The following DDAH1 variants were observed in gnomAD, a reference collection of about 807,000 sequenced individuals.
DDAH1 encodes the protein dimethylarginine dimethylaminohydrolase 1.
In DDAH1, 19 loss-of-function variants were observed where a neutral mutation model predicts 28.8. The observed-to-expected ratio is 0.66, with a 90% CI of 0.46 to 0.97. The LOEUF (loss-of-function observed/expected upper bound fraction) is 0.97, where lower values mean the gene tolerates loss of function less well. Ranked by LOEUF, DDAH1 falls within the 50% of genes least tolerant of loss-of-function variation. The pLI is 0.00. For synonymous variants in DDAH1, 153 were observed against 154.4 expected (o/e 0.99, Z 0.07); for missense variants, 326 against 375.9 (o/e 0.87, Z 1.10).
chr1:85,357,300 A>T (rs233090), intron 2 of DDAH1, among the ~76,000 whole-genome samples: 8,862 of 152,224 alleles, frequency 0.058, 886 homozygotes, highest in African/African-American at 0.2. Flanking sequence ...CCACTGCATG[A>T]GACAGTGGCA....
chr1:85,429,934 A>T (rs1305018036), intron 1 of DDAH1, among the ~76,000 whole-genome samples: 1 of 151,992 alleles, frequency 6.6e-6, no homozygotes, highest in Admixed American at 6.6e-5. Flanking sequence ...GACTGCAAAA[A>T]TTTTCTCCCA....
chr1:85,387,497 T>A (rs1651337497), intron 1 of DDAH1, among the ~76,000 whole-genome samples: 1 of 152,188 alleles, frequency 6.6e-6, no homozygotes, highest in African/African-American at 2.4e-5. Flanking sequence ...ATAACAAAAG[T>A]GATCTTTGCT....
At chr1:85,473,516 T>C (rs982996231) in intron 2 of DDAH1, among the ~76,000 whole-genome samples, 7 of 151,844 alleles carry the variant, frequency 4.6e-5, no homozygotes, top group Non-Finnish European at 1.0e-4. Context: ...CGCACAGGGC[T>C]CTGATAACCC....
intron 4 of DDAH1, among the ~76,000 whole-genome samples, chr1:85,349,368 T>C (rs1166778119): frequency 6.6e-6 from 1 of 152,172 alleles, no homozygotes; most frequent in Non-Finnish European, 1.5e-5. Flanking sequence ...AAACGATTGC[T>C]TCCCAGCCAA....
At chr1:85,383,139 G>C in intron 1 of DDAH1, among the ~76,000 whole-genome samples, 1 of 152,162 alleles carries the variant, frequency 6.6e-6, no homozygotes, top group Non-Finnish European at 1.5e-5. Context: ...TGATTCCTCT[G>C]ATGAATCTGG....
At chr1:85,496,550 T>C (rs566498685) in intron 1 of DDAH1, among the ~76,000 whole-genome samples, 2 of 152,320 alleles carry the variant, frequency 1.3e-5, no homozygotes, top group East Asian at 3.9e-4. Context: ...AGTCGGTATT[T>C]TCCTTGAAAG....
chr1:85,402,065 A>G (rs955257531), intron 1 of DDAH1, among the ~76,000 whole-genome samples: 3 of 151,938 alleles, frequency 2.0e-5, no homozygotes, highest in Admixed American at 6.6e-5. Context: ...AGCTCACTAC[A>G]GCCTCAAACT....
chr1:85,321,349 G>A lies in DDAH1; in HGVS notation c.*103C>T, dbSNP rs1661332322. On this transcript the variant is annotated 3_prime_UTR_variant, in exon 6 of 6. Coordinates refer to ENST00000284031, the MANE Select transcript of DDAH1 (RefSeq NM_012137.4). ...CAAATTTTGTAAACAAGAGTTAGTA[G>A]CACAGTGGCACAGTAGATTGTCAAG... 6.7e-6 allele frequency: 5 copies of A among 750,552 alleles called. No homozygotes were observed. The highest frequency in any genetic ancestry group is 1.2e-5 in the Non-Finnish European group (5 of 429,532). The allele number at this position is 750,552 out of a possible 1,614,324, so 46.5% of individuals were successfully genotyped here.
At position 85,470,993 on chromosome 1, in the gene DDAH1, C is replaced by T. The variant is rs757169895; in HGVS notation, c.-7+25173G>A. On this transcript the variant is annotated intron_variant, in intron 2 of 6. Transcript: ENST00000426972. ...GTATCACCTTAGTGTACCCAAGACC[C>T]GTGTTTCACCATTTTCTGTCTTGCT... 1.2e-4 allele frequency among the ~76,000 whole-genome samples: 18 copies of T among 152,294 alleles called. 1 individual carries two copies. Among genetic ancestry groups the T allele is most frequent in the Admixed American group, 4.6e-4 (7 of 15,304 alleles).
rs189798371 is a variant in DDAH1 at position 85,324,828 on chromosome 1, A to G, written c.653T>C (p.Ile218Thr). 76 of 1,614,120 alleles carry G rather than the reference A, an allele frequency of 4.7e-5. No individual in the cohort carries two copies. In the Admixed American group the frequency reaches 8.3e-4, roughly 18 times the overall value. The change falls in exon 5 of 6, where the codon ATA becomes ACA. Residue 218 changes from isoleucine to threonine, a missense_variant. Transcript: ENST00000284031. ...ATTTAGATATATACAGTTTGCTGCTATGTCATCAGGCACAGTGAGTTTGTC... is the reference window on the plus strand; with the variant it reads ...ATTTAGATATATACAGTTTGCTGCTGTGTCATCAGGCACAGTGAGTTTGTC... Reference protein sequence around the residue: ...RYDKLTVPDDIAANCIYLNIP... With the variant: ...RYDKLTVPDDTAANCIYLNIP...
At chr1:85,532,865 G>C (rs1315728063) in intron 1 of DDAH1, among the ~76,000 whole-genome samples, 1 of 152,206 alleles carries the variant, frequency 6.6e-6, no homozygotes, top group Non-Finnish European at 1.5e-5. Flanking sequence ...TTCAAAATCT[G>C]TCAACTGGAA....
intron 1 of DDAH1, among the ~76,000 whole-genome samples, chr1:85,445,426 A>C (rs1214511007): frequency 6.6e-6 from 1 of 152,220 alleles, no homozygotes; most frequent in Non-Finnish European, 1.5e-5. Context: ...CAGTGCCTTA[A>C]GATCAAATAT....
intron 1 of DDAH1, among the ~76,000 whole-genome samples, chr1:85,561,774 T>C (rs1441965745): frequency 1.3e-5 from 2 of 152,172 alleles, no homozygotes; most frequent in East Asian, 1.9e-4. Flanking sequence ...AATGAATCCA[T>C]GGGCATTACT....
intron 4 of DDAH1, among the ~76,000 whole-genome samples, chr1:85,330,282 G>A (rs11161599): frequency 0.15 from 23,099 of 152,254 alleles, 2,147 homozygotes; most frequent in Middle Eastern, 0.21. Flanking sequence ...CCTGAGGACT[G>A]AGCAACAGTG....
chr1:85,474,355 C>T (rs1018724245), intron 2 of DDAH1, among the ~76,000 whole-genome samples: 8 of 152,182 alleles, frequency 5.3e-5, no homozygotes, highest in Non-Finnish European at 1.2e-4. Context: ...GAATGAAGTC[C>T]ACATGTTTTA....
chr1:85,329,377 T>G (rs1418878555), intron 4 of DDAH1, among the ~76,000 whole-genome samples: 3 of 152,204 alleles, frequency 2.0e-5, no homozygotes, highest in African/African-American at 7.2e-5. Flanking sequence ...TGGTTCCTAT[T>G]TGAATTGTTC....
intron 1 of DDAH1, chr1:85,404,646 G>T: frequency 1.6e-6 from 1 of 631,520 alleles, no homozygotes; most frequent in Non-Finnish European, 2.2e-6. Context: ...GTAGACTCAA[G>T]TATTTCTTTA....
chr1:85,390,854 T>G (rs1296605107), intron 1 of DDAH1, among the ~76,000 whole-genome samples: 1 of 152,178 alleles, frequency 6.6e-6, no homozygotes, highest in Non-Finnish European at 1.5e-5. Flanking sequence ...GCTGCAAATA[T>G]CAAATCTTAC....
At position 85,464,516 on chromosome 1, in the gene DDAH1, A is replaced by C; in HGVS notation, c.303+227T>G. The stretch of plus-strand genomic sequence containing the variant: ...CCCACCTGCCCGAGACCGTACAACC[A>C]CATTGAATCGGATCCTCCAGAAGGC... On this transcript the variant is annotated intron_variant, in intron 1 of 5. Coordinates refer to ENST00000284031, the MANE Select transcript of DDAH1 (RefSeq NM_012137.4). This position sits in a 1 kb window ranked among gnomAD's most constrained non-coding sequence, Gnocchi z 4.4. 4.0e-6 allele frequency: 6 copies of C among 1,482,944 alleles called. No homozygotes were observed. The highest frequency in any genetic ancestry group is 1.7e-4 in the Middle Eastern group (1 of 5,766). 91.9% of individuals were successfully genotyped at this position (1,482,944 alleles called of 1,614,324 possible).
Sources: allele counts gnomAD v4.1 joint callset (sites outside exome capture counted in the v4.1 genomes callset), GRCh38; gene constraint gnomAD v4.1.1; non-coding constraint Gnocchi (gnomAD v3.1); transcripts MANE v1.5; gene names NCBI Gene and HGNC (gene_info 2026-07-23, HGNC 2026-07-21).